Variants in RNF5 observed in about 807,000 individuals in gnomAD.
RNF5 encodes E3 ubiquitin-protein ligase RNF5.
In RNF5, 16 loss-of-function variants were observed where a neutral mutation model predicts 24.4. The observed-to-expected ratio is 0.66, with a 90% CI of 0.44 to 1.00. The LOEUF is 1.00. Among genes scored for constraint, RNF5 ranks in the 50% least tolerant of loss-of-function variants. The probability of loss-of-function intolerance (pLI) is 0.00; values close to 1 mark genes in which losing one functional copy is unlikely to be tolerated. For missense variants in RNF5, 185 were observed against 236.7 expected (o/e 0.78, Z 1.43); for synonymous variants, 64 against 88.5 (o/e 0.72, Z 1.55).
In RNF5 at chr6:32,180,306, T is replaced by C; in HGVS notation, c.523T>C (p.Phe175Leu). 1 of 1,608,810 alleles carries C rather than the reference T, an allele frequency of 6.2e-7. No homozygotes were observed. Reference protein sequence around the residue: ...LFLFLAIFFFFWLLSI With the variant: ...LFLFLAIFFFLWLLSI The stretch of plus-strand genomic sequence containing the variant: ...CCTGTTTCTCGCCATCTTCTTCTTT[T>C]TTTGGCTGCTCAGTATTTGAGCTAT... The change falls in exon 6 of 6, where the codon TTT (phenylalanine) becomes CTT (leucine). Residue 175 changes from phenylalanine to leucine, a missense_variant. Transcript: ENST00000375094.
chr6:32,178,715 C>A (rs3134945), intron 1 of RNF5, 64 bp downstream of exon 1: 302,777 of 1,507,000 alleles, frequency 0.2, 33,346 homozygotes, highest in Non-Finnish European at 0.22. Context: ...AGGCTAGGAG[C>A]GAATAATCAT....
chr6:32,180,143 GC>G lies in RNF5; in HGVS notation c.445+18del, dbSNP rs765206805. ...GGGGTACAGGTAAGAGTCACACTCA[GC>G]TCCCATCAGGGAGCCCTGTGAATCC... On this transcript the variant is annotated intron_variant, in intron 5 of 5. Transcript: ENST00000375094. 6.2e-7 allele frequency: 1 copy of G among 1,612,976 alleles called. No individual in the cohort carries two copies. The highest frequency in any genetic ancestry group is 1.1e-5 in the South Asian group (1 of 91,070).
chr6:32,179,407 G>A lies in RNF5; in HGVS notation c.141-134G>A. On this transcript the variant is annotated intron_variant, in intron 1 of 5. Transcript: ENST00000375094. The surrounding 1 kb of genome is among the most constrained non-coding windows in gnomAD (Gnocchi z 5.4). Reference sequence around the variant, plus strand: ...TAACTAAGTTGGCTGGCATGGTAGAGGTTGCAGAAAATCTGAAAAGCAACA... The same window carrying A: ...TAACTAAGTTGGCTGGCATGGTAGAAGTTGCAGAAAATCTGAAAAGCAACA... 9.5e-7 allele frequency: 1 copy of A among 1,057,702 alleles called. No individual in the cohort carries two copies. Among genetic ancestry groups the A allele is most frequent in the South Asian group, 1.3e-5 (1 of 74,450 alleles). The allele number at this position is 1,057,702 out of a possible 1,614,324, so 65.5% of individuals were successfully genotyped here. A position where few individuals can be genotyped will look rare whatever the true frequency, so the allele number is the denominator to read the frequency against.
Position 32,178,627 on chromosome 6 carries a change from T to C in RNF5, c.116T>C (p.Val39Ala). The change falls in exon 1 of 6, where the codon GTC (valine) becomes GCC (alanine). Residue 39 changes from valine to alanine, a missense_variant. By Grantham distance (64) the Val-to-Ala change is moderately conservative. Coordinates refer to ENST00000375094, the MANE Select transcript of RNF5 (RefSeq NM_006913.4). ...TTGGAGACTGCTCGGGAAGCTGTGG[T>C]CAGTGTGTGTGGCCACCTGTACTGG... ...ICLETAREAV[V>A]SVCGHLYCWP... 2 of 1,611,472 alleles carry C rather than the reference T, an allele frequency of 1.2e-6. No homozygotes were observed. The highest frequency in any genetic ancestry group is 1.7e-6 in the Non-Finnish European group (2 of 1,179,886).
Position 32,179,913 on chromosome 6 carries a change from A to C in RNF5, c.309A>C (p.Pro103=), listed in dbSNP as rs1785943389. ...KTPPRPQGQR[P]APESRGGFQP... Reference sequence around the variant, plus strand: ...CACCCCGCCCCCAGGGCCAGAGACCAGCTCCGGAGAGCAGAGGGGTGAGTC... The same window carrying C: ...CACCCCGCCCCCAGGGCCAGAGACCCGCTCCGGAGAGCAGAGGGGTGAGTC... Residue 103 remains proline (P), a synonymous_variant, in exon 4 of 6, where the codon CCA becomes CCC. Coordinates refer to ENST00000375094, the MANE Select transcript of RNF5 (RefSeq NM_006913.4). The surrounding 1 kb of genome is among the most constrained non-coding windows in gnomAD (Gnocchi z 5.4). 6.2e-7 allele frequency: 1 copy of C among 1,614,200 alleles called. No individual in the cohort carries two copies. The highest frequency in any genetic ancestry group is 1.6e-4 in the Middle Eastern group (1 of 6,062).
rs937663860 is a variant in RNF5 at position 32,179,042 on chromosome 6, C to T, written c.140+391C>T. Among the ~76,000 whole-genome samples the T allele has an allele frequency of 6.6e-6, 1 of 152,056 alleles. No homozygotes were observed. Among genetic ancestry groups the T allele is most frequent in the Non-Finnish European group, 1.5e-5 (1 of 68,004 alleles). On this transcript the variant is annotated intron_variant, in intron 1 of 5. Coordinates refer to ENST00000375094, the MANE Select transcript of RNF5 (RefSeq NM_006913.4). The surrounding 1 kb of genome is among the most constrained non-coding windows in gnomAD (Gnocchi z 5.4). ...GGGGAGAACCAGGAAATATGGATCACATTCAGATGAGATCTGGGAGGGGGC... is the reference window on the plus strand; with the variant it reads ...GGGGAGAACCAGGAAATATGGATCATATTCAGATGAGATCTGGGAGGGGGC...
chr6:32,179,932 G>A lies in RNF5; in HGVS notation c.327+1G>A. On this transcript the variant is annotated splice_donor_variant, in intron 4 of 5. Transcript: ENST00000375094. LOFTEE classifies it high-confidence loss of function. The surrounding 1 kb of genome is among the most constrained non-coding windows in gnomAD (Gnocchi z 5.4). ...GAGACCAGCTCCGGAGAGCAGAGGG[G>A]TGAGTCTTCTTGTCCAGTTGTGTCC... is the stretch of plus-strand genomic sequence containing the variant. 1.9e-6 allele frequency: 3 copies of A among 1,614,222 alleles called. No individual in the cohort carries two copies. Among genetic ancestry groups the A allele is most frequent in the Non-Finnish European group, 2.5e-6 (3 of 1,180,036 alleles).
In RNF5 at chr6:32,179,562, G is replaced by A; in HGVS notation, c.159+3G>A. ...CCAGTTGGCCATGTCTTCATCAGGTGCGTACTCAGGAGATGAAGAGGGAAA... is the reference window on the plus strand; with the variant it reads ...CCAGTTGGCCATGTCTTCATCAGGTACGTACTCAGGAGATGAAGAGGGAAA... On this transcript the variant is annotated splice_donor_region_variant and intron_variant, in intron 2 of 5. Transcript: ENST00000375094. This position sits in a 1 kb window ranked among gnomAD's most constrained non-coding sequence, Gnocchi z 5.4. 3 of 1,613,310 alleles carry A rather than the reference G, an allele frequency of 1.9e-6. No individual in the cohort carries two copies. The highest frequency in any genetic ancestry group is 2.5e-6 in the Non-Finnish European group (3 of 1,179,888).
At chr6:32,178,765 G>A in intron 1 of RNF5, 114 bp downstream of exon 1, 1 of 1,054,590 alleles carries the variant, frequency 9.5e-7, no homozygotes, top group Non-Finnish European at 1.4e-6. Flanking sequence ...TCCCATAGGT[G>A]AAGCCCGACA....
Position 32,180,554 on chromosome 6 carries a change from G to A in RNF5, c.*228G>A, listed in dbSNP as rs1786010359. The A allele has an allele frequency of 3.6e-6, 2 of 551,054 alleles. No individual in the cohort carries two copies. Among genetic ancestry groups the A allele is most frequent in the African/African-American group, 1.9e-5 (1 of 52,870 alleles). The allele number at this position is 551,054 out of a possible 1,614,324, so 34.1% of individuals were successfully genotyped here. A position where few individuals can be genotyped will look rare whatever the true frequency, so the allele number is the denominator to read the frequency against. The stretch of plus-strand genomic sequence containing the variant: ...GTAACGTTGTTTAATTCTCTGCCCT[G>A]GGGAAGGAGGATGGATTGAGAGAAT... On this transcript the variant is annotated 3_prime_UTR_variant, in exon 6 of 6. Coordinates refer to ENST00000375094, the MANE Select transcript of RNF5 (RefSeq NM_006913.4).
chr6:32,178,748 G>A (rs1392189759), intron 1 of RNF5, 97 bp downstream of exon 1: 1 of 1,287,332 alleles, frequency 7.8e-7, no homozygotes. Flanking sequence ...ATAATCGGAG[G>A]GCACGTTCCC....
At position 32,180,208 on chromosome 6, in the gene RNF5, C is replaced by A. The variant is rs751644122; in HGVS notation, c.446-21C>A. The A allele has an allele frequency of 2.5e-6, 4 of 1,612,074 alleles. No homozygotes were observed. In the East Asian group the frequency reaches 8.9e-5, roughly 36 times the overall value. Reference sequence around the variant, plus strand: ...CCCAGCCTAGGAGCATATGCTTCCACAGCTTTCCTCTCTCCCACAGGTGTG... The same window carrying A: ...CCCAGCCTAGGAGCATATGCTTCCAAAGCTTTCCTCTCTCCCACAGGTGTG... On this transcript the variant is annotated intron_variant, in intron 5 of 5. Coordinates refer to ENST00000375094, the MANE Select transcript of RNF5 (RefSeq NM_006913.4).
chr6:32,179,544 G>A lies in RNF5; in HGVS notation c.144G>A (p.Trp48Ter). Residue 48 changes from tryptophan to a stop codon, truncating the protein, a stop_gained, in exon 2 of 6, where the codon TGG becomes TGA. Coordinates refer to ENST00000375094, the MANE Select transcript of RNF5 (RefSeq NM_006913.4). LOFTEE classifies it high-confidence loss of function. The surrounding 1 kb of genome is among the most constrained non-coding windows in gnomAD (Gnocchi z 5.4). ...VVSVCGHLYC[W>*]PCLHQWLETR... ...TTTTTTTTTCTCCCCCATCCAGTTG[G>A]CCATGTCTTCATCAGGTGCGTACTC... The A allele has an allele frequency of 6.2e-7, 1 of 1,613,480 alleles. No individual in the cohort carries two copies. The highest frequency in any genetic ancestry group is 8.5e-7 in the Non-Finnish European group (1 of 1,179,830).
rs1215697348 is a variant in RNF5, at chr6:32,180,044, C to G, written c.363C>G (p.His121Gln). ...CATTTGGTGATACCGGGGGCTTCCA[C>G]TTCTCATTTGGTGTTGGTGCTTTTC... ...FQPFGDTGGF[H>Q]FSFGVGAFPF... Residue 121 changes from histidine (H) to glutamine (Q), a missense_variant, in exon 5 of 6, where the codon CAC becomes CAG. Physicochemically the swap from His to Gln is conservative, Grantham distance 24. Coordinates refer to ENST00000375094, the MANE Select transcript of RNF5 (RefSeq NM_006913.4). 2 of 1,614,192 alleles carry G rather than the reference C, an allele frequency of 1.2e-6. No individual in the cohort carries two copies. Among genetic ancestry groups the G allele is most frequent in the Admixed American group, 1.7e-5 (1 of 60,026 alleles).
Position 32,180,027 on chromosome 6 carries a change from G to A in RNF5, c.346G>A (p.Asp116Asn). 1 of 1,614,228 alleles carries A rather than the reference G, an allele frequency of 6.2e-7. No individual in the cohort carries two copies. Among genetic ancestry groups the A allele is most frequent in the Middle Eastern group, 1.6e-4 (1 of 6,062 alleles). The change falls in exon 5 of 6, where the codon GAT becomes AAT. Residue 116 changes from aspartate (D) to asparagine (N), a missense_variant. By Grantham distance (23) the Asp-to-Asn change is conservative. Coordinates refer to ENST00000375094, the MANE Select transcript of RNF5 (RefSeq NM_006913.4). The stretch of plus-strand genomic sequence containing the variant: ...TCCCTAGGGATTCCAGCCATTTGGT[G>A]ATACCGGGGGCTTCCACTTCTCATT... ...ESRGGFQPFG[D>N]TGGFHFSFGV...
At position 32,179,911 on chromosome 6, in the gene RNF5, C is replaced by T. The variant is rs754999125; in HGVS notation, c.307C>T (p.Pro103Ser). The part of the protein sequence containing the change: ...KTPPRPQGQR[P>S]APESRGGFQP... ...TCCACCCCGCCCCCAGGGCCAGAGA[C>T]CAGCTCCGGAGAGCAGAGGGGTGAG... Residue 103 changes from proline to serine, a missense_variant, in exon 4 of 6, where the codon CCA (proline) becomes TCA (serine). Pro to Ser is a moderately conservative substitution (Grantham distance 74, BLOSUM62 -1). Transcript: ENST00000375094. The surrounding 1 kb of genome is among the most constrained non-coding windows in gnomAD (Gnocchi z 5.4). The T allele has an allele frequency of 3.7e-6, 6 of 1,614,186 alleles. No individual in the cohort carries two copies. The African/African-American group carries it at 6.7e-5, about 18-fold the overall frequency.
chr6:32,178,471 T>C lies in RNF5; in HGVS notation c.-41T>C. 6.6e-7 allele frequency: 1 copy of C among 1,519,188 alleles called. No individual in the cohort carries two copies. Among genetic ancestry groups the C allele is most frequent in the Non-Finnish European group, 8.8e-7 (1 of 1,132,406 alleles). The allele number at this position is 1,519,188 out of a possible 1,614,324, so 94.1% of individuals were successfully genotyped here. On this transcript the variant is annotated 5_prime_UTR_variant, in exon 1 of 6. Coordinates refer to ENST00000375094, the MANE Select transcript of RNF5 (RefSeq NM_006913.4). ...TTGTTGGGGCGTGTGTATGTGTATT[T>C]GGGGGGACTGAAGGGTACGTGGGGC...
Position 32,178,535 on chromosome 6 carries a change from C to G in RNF5, c.24C>G (p.Asp8Glu). ...CCATGGCAGCAGCGGAGGAGGAGGA[C>G]GGGGGCCCCGAAGGGCCAAATCGCG... MAAAEEE[D>E]GGPEGPNRER... The change falls in exon 1 of 6, where the codon GAC becomes GAG. Residue 8 changes from aspartate (D) to glutamate (E), a missense_variant. Coordinates refer to ENST00000375094, the MANE Select transcript of RNF5 (RefSeq NM_006913.4). 6.2e-7 allele frequency: 1 copy of G among 1,606,014 alleles called. No individual in the cohort carries two copies. Among genetic ancestry groups the G allele is most frequent in the South Asian group, 1.1e-5 (1 of 90,496 alleles).
Position 32,179,586 on chromosome 6 carries a change from A to G in RNF5, c.159+27A>G, listed in dbSNP as rs1407419050. The G allele has an allele frequency of 6.2e-7, 1 of 1,613,732 alleles. No individual in the cohort carries two copies. The highest frequency in any genetic ancestry group is 8.5e-7 in the Non-Finnish European group (1 of 1,179,926). ...TGCGTACTCAGGAGATGAAGAGGGAAATGGGGAGGTCTGAGGAGCTGTAAG... is the reference window on the plus strand; with the variant it reads ...TGCGTACTCAGGAGATGAAGAGGGAGATGGGGAGGTCTGAGGAGCTGTAAG... On this transcript the variant is annotated intron_variant, in intron 2 of 5. Coordinates refer to ENST00000375094, the MANE Select transcript of RNF5 (RefSeq NM_006913.4). This position sits in a 1 kb window ranked among gnomAD's most constrained non-coding sequence, Gnocchi z 5.4.
Sources: allele counts gnomAD v4.1 joint callset (sites outside exome capture counted in the v4.1 genomes callset), GRCh38; gene constraint gnomAD v4.1.1; non-coding constraint Gnocchi (gnomAD v3.1); transcripts MANE v1.5; gene names NCBI Gene and HGNC (gene_info 2026-07-23, HGNC 2026-07-21).